Variants in CELF4 observed in about 807,000 individuals in gnomAD.
The protein encoded by CELF4 is CUGBP Elav-like family member 4.
CELF4 carries 18 observed loss-of-function variants against 59.9 expected under a neutral mutation model. That is an observed-to-expected ratio of 0.30 (90% CI 0.21 to 0.45). The LOEUF (loss-of-function observed/expected upper bound fraction) is 0.45, where lower values mean the gene tolerates loss of function less well. CELF4 is among the 20% of genes least tolerant of loss of function. The pLI is 1.00. For synonymous variants in CELF4, 261 were observed against 267.1 expected, an observed-to-expected ratio of 0.98 and a Z score of 0.22; for missense variants, 456 against 689.0, an observed-to-expected ratio of 0.66 and a Z score of 3.79.
rs544781973 is a variant in CELF4, at chr18:37,527,985, C to A, written c.286+37371G>T. ...CATGGTTCCTAGCACAGTTTTAACA[C>A]CTGCAGACACTTGGTAGATACTTAA... On this transcript the variant is annotated intron_variant, in intron 1 of 12. Coordinates refer to ENST00000420428, the MANE Select transcript of CELF4 (RefSeq NM_020180.4). 9.2e-5 allele frequency among the ~76,000 whole-genome samples: 14 copies of A among 152,276 alleles called. No individual in the cohort carries two copies. In the East Asian group the frequency reaches 2.7e-3, roughly 29 times the overall value.
intron 2 of CELF4, among the ~76,000 whole-genome samples, chr18:37,442,922 T>C (rs970044464): frequency 6.6e-6 from 1 of 152,220 alleles, no homozygotes; most frequent in African/African-American, 2.4e-5. Context: ...CACTGCCTTC[T>C]GGGTTAGTTT....
At chr18:37,532,950 G>C (rs563936069) in intron 1 of CELF4, among the ~76,000 whole-genome samples, 23 of 152,334 alleles carry the variant, frequency 1.5e-4, no homozygotes, top group African/African-American at 5.5e-4. Flanking sequence ...AATTATTCAG[G>C]CACCAAAGTC....
intron 2 of CELF4, among the ~76,000 whole-genome samples, chr18:37,443,090 TCCTGGAGGGTGAGAA>T (rs2099737533): frequency 6.6e-6 from 1 of 152,126 alleles, no homozygotes; most frequent in East Asian, 1.9e-4. Flanking sequence ...AAATGGGAGC[TCCTGGAGGGTGAGAA>T]CCTGACGGGA....
chr18:37,466,447 C>T (rs568862404), intron 2 of CELF4, among the ~76,000 whole-genome samples: 4 of 152,096 alleles, frequency 2.6e-5, no homozygotes, highest in Non-Finnish European at 5.9e-5. Flanking sequence ...GCGCATGAAA[C>T]CTGGTGTGAG....
intron 2 of CELF4, among the ~76,000 whole-genome samples, chr18:37,450,550 C>CT (rs2099760478): frequency 6.6e-6 from 1 of 151,974 alleles, no homozygotes; most frequent in African/African-American, 2.4e-5. Context: ...AGATAAAGTG[C>CT]GCACAGCTGC....
At chr18:37,550,459 A>G (rs1251164379) in intron 1 of CELF4, among the ~76,000 whole-genome samples, 1 of 152,178 alleles carries the variant, frequency 6.6e-6, no homozygotes, top group Non-Finnish European at 1.5e-5. Flanking sequence ...ATGAACCAAG[A>G]AGCCCCTGCC....
intron 1 of CELF4, among the ~76,000 whole-genome samples, chr18:37,548,595 G>C (rs1372383352): frequency 6.6e-6 from 1 of 152,144 alleles, no homozygotes; most frequent in African/African-American, 2.4e-5. Flanking sequence ...AGCTGATAGG[G>C]GTGCTGATAG....
At chr18:37,354,103 T>C (rs2098519950) in intron 2 of CELF4, among the ~76,000 whole-genome samples, 1 of 151,566 alleles carries the variant, frequency 6.6e-6, no homozygotes, top group Admixed American at 6.6e-5. Context: ...GAGATGTGAG[T>C]TTTTACTTTT....
intron 1 of CELF4, among the ~76,000 whole-genome samples, chr18:37,508,785 G>A (rs956697774): frequency 6.6e-6 from 1 of 152,232 alleles, no homozygotes; most frequent in Non-Finnish European, 1.5e-5. Flanking sequence ...GAAGCAGGAG[G>A]GGTGGTGGAA....
intron 2 of CELF4, among the ~76,000 whole-genome samples, chr18:37,386,844 G>A (rs906034931): frequency 6.6e-6 from 1 of 152,144 alleles, no homozygotes. Flanking sequence ...ATACCTCAGG[G>A]TATGTACAGA....
At chr18:37,388,111 G>C (rs1208960212) in intron 2 of CELF4, among the ~76,000 whole-genome samples, 1 of 152,062 alleles carries the variant, frequency 6.6e-6, no homozygotes, top group Non-Finnish European at 1.5e-5. Context: ...AATCCTTTGG[G>C]GCAGGTTTCA....
chr18:37,489,814 C>A (rs949606285), intron 1 of CELF4, among the ~76,000 whole-genome samples: 1 of 152,186 alleles, frequency 6.6e-6, no homozygotes, highest in Admixed American at 6.5e-5. Context: ...GGGCTCTGAA[C>A]GCTGAGGCTT....
intron 5 of CELF4, 149 bp from the exon 6 acceptor site, chr18:37,274,603 C>A (rs2092670957): frequency 6.5e-7 from 1 of 1,538,592 alleles, no homozygotes; most frequent in Non-Finnish European, 8.7e-7. Flanking sequence ...GAGGTGTGAA[C>A]CCCACCGCGG....
At chr18:37,401,417 T>G (rs2099325423) in intron 2 of CELF4, among the ~76,000 whole-genome samples, 1 of 152,182 alleles carries the variant, frequency 6.6e-6, no homozygotes, top group East Asian at 1.9e-4. Flanking sequence ...GAGCTCTGCA[T>G]TTGTGGGGCA....
chr18:37,276,592 G>A (rs189532796), intron 3 of CELF4: 3 of 152,162 alleles, frequency 2.0e-5, no homozygotes, highest in Non-Finnish European at 4.4e-5. Flanking sequence ...CACCAGACAC[G>A]TGAATGAATG....
chr18:37,262,214 G>C (rs1183232689), intron 10 of CELF4, among the ~76,000 whole-genome samples: 1 of 152,204 alleles, frequency 6.6e-6, no homozygotes, highest in Non-Finnish European at 1.5e-5. Context: ...CGCCCATGCT[G>C]TGCGGCTCTG....
intron 2 of CELF4, among the ~76,000 whole-genome samples, chr18:37,352,938 TTGGC>T (rs2098472449): frequency 2.6e-5 from 4 of 152,014 alleles, no homozygotes; most frequent in African/African-American, 7.3e-5. Flanking sequence ...GAACCCTTTC[TTGGC>T]CGGGCGCGGT....
At chr18:37,480,087 C>T (rs145334749) in intron 2 of CELF4, among the ~76,000 whole-genome samples, 78 of 152,270 alleles carry the variant, frequency 5.1e-4, no homozygotes, top group East Asian at 1.7e-3. Flanking sequence ...TCCAGAACTG[C>T]GAGACAATAC....
intron 2 of CELF4, among the ~76,000 whole-genome samples, chr18:37,448,722 G>A (rs571167507): frequency 2.6e-3 from 403 of 152,322 alleles, no homozygotes; most frequent in African/African-American, 9.1e-3. Flanking sequence ...TGGCAGCCTC[G>A]AGTGCCCCAT....
Sources: allele counts gnomAD v4.1 joint callset (sites outside exome capture counted in the v4.1 genomes callset), GRCh38; gene constraint gnomAD v4.1.1; transcripts MANE v1.5; gene names NCBI Gene and HGNC (gene_info 2026-07-23, HGNC 2026-07-21).